The following NDST3 variants were observed in gnomAD, a reference collection of about 807,000 sequenced individuals.
NDST3 encodes the protein bifunctional heparan sulfate N-deacetylase/N-sulfotransferase 3.
NDST3 carries 58 observed loss-of-function variants against 96.1 expected under a neutral mutation model. That is an observed-to-expected ratio of 0.60 (90% CI 0.49 to 0.75). The LOEUF (loss-of-function observed/expected upper bound fraction) is 0.75, where lower values mean the gene tolerates loss of function less well. Among genes scored for constraint, NDST3 ranks in the 30% least tolerant of loss-of-function variants. The pLI, the probability that NDST3 is intolerant of heterozygous loss-of-function variation, is 0.00. For synonymous variants in NDST3, 333 were observed against 359.7 expected (o/e 0.93, Z 0.84); for missense variants, 788 against 1,034.2 (o/e 0.76, Z 3.27).
chr4:118,191,154 A>G (rs1341488872), intron 6 of NDST3, among the ~76,000 whole-genome samples: 1 of 152,192 alleles, frequency 6.6e-6, no homozygotes, highest in Non-Finnish European at 1.5e-5. Context: ...TCTATTTCAA[A>G]AGCACAGAGC....
intron 6 of NDST3, among the ~76,000 whole-genome samples, chr4:118,207,408 G>A (rs1027296660): frequency 2.8e-5 from 4 of 144,790 alleles, no homozygotes; most frequent in Non-Finnish European, 4.6e-5. Context: ...AAGCAGATGA[G>A]TGTAGATTTG....
intron 4 of NDST3, among the ~76,000 whole-genome samples, chr4:118,132,482 C>T (rs1732715816): frequency 6.6e-6 from 1 of 152,146 alleles, no homozygotes; most frequent in Admixed American, 6.5e-5. Context: ...CTCTGACCCA[C>T]AGAAGGTCCG....
chr4:118,056,939 A>C (rs1725481856), intron 2 of NDST3, among the ~76,000 whole-genome samples: 1 of 151,950 alleles, frequency 6.6e-6, no homozygotes, highest in South Asian at 2.1e-4. Context: ...TGTACCTGTA[A>C]CTTAAGTATG....
intron 6 of NDST3, among the ~76,000 whole-genome samples, chr4:118,148,697 AT>A (rs1439623929): frequency 1.3e-5 from 2 of 152,352 alleles, no homozygotes; most frequent in African/African-American, 4.8e-5. Context: ...TTGAAAAAAA[AT>A]ACTGTAATTT....
chr4:118,122,007 T>A (rs1242360002), intron 4 of NDST3, among the ~76,000 whole-genome samples: 1 of 152,228 alleles, frequency 6.6e-6, no homozygotes, highest in East Asian at 1.9e-4. Flanking sequence ...TAGAAAGAAT[T>A]CCTCAATTCC....
At chr4:118,115,060 C>T in intron 4 of NDST3, 100 bp downstream of exon 4, 1 of 1,271,258 alleles carries the variant, frequency 7.9e-7, no homozygotes, top group East Asian at 2.4e-5. Context: ...GTGGCTTTTC[C>T]ATATGATCAT....
chr4:118,226,849 GA>G (rs768595196), intron 7 of NDST3, 36 bp from the exon 8 acceptor site: 124 of 1,463,428 alleles, frequency 8.5e-5, no homozygotes, highest in Non-Finnish European at 1.0e-4. Flanking sequence ...ACACATTCAT[GA>G]AAAAAAATAC....
intron 2 of NDST3, among the ~76,000 whole-genome samples, chr4:118,084,662 C>T (rs1324593286): frequency 6.6e-6 from 1 of 152,184 alleles, no homozygotes; most frequent in Non-Finnish European, 1.5e-5. Context: ...ACAAAATCCT[C>T]ATTCAGGAAA....
intron 6 of NDST3, among the ~76,000 whole-genome samples, chr4:118,201,451 T>C (rs1738080720): frequency 6.6e-6 from 1 of 152,182 alleles, no homozygotes; most frequent in African/African-American, 2.4e-5. Context: ...GCATCTGTTG[T>C]TTTTTGGATT....
At chr4:118,166,367 T>C (rs963544251) in intron 6 of NDST3, among the ~76,000 whole-genome samples, 16 of 151,570 alleles carry the variant, frequency 1.1e-4, no homozygotes, top group African/African-American at 3.4e-4. Context: ...AAATAGAAAA[T>C]CTGAGCAGGC....
At chr4:118,162,764 CTAAA>C in intron 6 of NDST3, among the ~76,000 whole-genome samples, 1 of 147,722 alleles carries the variant, frequency 6.8e-6, no homozygotes, top group Admixed American at 6.8e-5. Context: ...TCTAATTAAA[CTAAA>C]GAGCTTCTGC....
chr4:118,167,001 G>C (rs1735595466), intron 6 of NDST3, among the ~76,000 whole-genome samples: 1 of 151,182 alleles, frequency 6.6e-6, no homozygotes, highest in East Asian at 1.9e-4. Flanking sequence ...CTCCCACTGT[G>C]ATCATTTCTA....
intron 6 of NDST3, among the ~76,000 whole-genome samples, chr4:118,179,789 C>A (rs1441280414): frequency 6.6e-6 from 1 of 151,988 alleles, no homozygotes; most frequent in Non-Finnish European, 1.5e-5. Flanking sequence ...TTCTCAGATA[C>A]TAAAAAGTTC....
At chr4:118,115,370 A>T (rs1731005448) in intron 4 of NDST3, among the ~76,000 whole-genome samples, 1 of 152,236 alleles carries the variant, frequency 6.6e-6, no homozygotes, top group Non-Finnish European at 1.5e-5. Flanking sequence ...AGAAATAAGT[A>T]TCACTGGGAG....
chr4:118,138,240 G>A lies in NDST3; in HGVS notation c.1410+1G>A. The A allele has an allele frequency of 6.2e-7, 1 of 1,612,904 alleles. No homozygotes were observed. The highest frequency in any genetic ancestry group is 8.5e-7 in the Non-Finnish European group (1 of 1,179,348). On this transcript the variant is annotated splice_donor_variant, in intron 5 of 13. Transcript: ENST00000296499. LOFTEE classifies it high-confidence loss of function. ...GGGTTTTATCCACAAAAACATCATG[G>A]TGAGCTTCCTCCAGTATGCATAGGG...
rs1157828447 is a variant in NDST3, at chr4:118,066,860, T to C, written c.981+11969T>C. Among the ~76,000 whole-genome samples, 26 of 15,548 alleles carry C rather than the reference T, an allele frequency of 1.7e-3. 9 individuals are homozygous for C. Among genetic ancestry groups the C allele is most frequent in the Non-Finnish European group, 2.9e-3 (25 of 8,592 alleles). 10.2% of individuals were successfully genotyped at this position (15,548 alleles called of 152,430 possible). A position where few individuals can be genotyped will look rare whatever the true frequency, so the allele number is the denominator to read the frequency against. On this transcript the variant is annotated intron_variant, in intron 2 of 13. Coordinates refer to ENST00000296499, the MANE Select transcript of NDST3 (RefSeq NM_004784.3). ...TATATAACATGTTATATATTATATA[T>C]ACATTATATATAACATGTTATATAT...
chr4:118,056,639 G>A (rs1725455484), intron 2 of NDST3, among the ~76,000 whole-genome samples: 1 of 151,938 alleles, frequency 6.6e-6, no homozygotes, highest in African/African-American at 2.4e-5. Flanking sequence ...TGTACTACAT[G>A]TGAAGCACTT....
At chr4:118,116,194 T>G (rs1002946782) in intron 4 of NDST3, among the ~76,000 whole-genome samples, 1 of 152,162 alleles carries the variant, frequency 6.6e-6, no homozygotes, top group Non-Finnish European at 1.5e-5. Context: ...ATCTAGACTG[T>G]TGATATTGAC....
intron 2 of NDST3, among the ~76,000 whole-genome samples, chr4:118,088,543 T>G (rs936420958): frequency 6.6e-6 from 1 of 152,056 alleles, no homozygotes; most frequent in East Asian, 1.9e-4. Flanking sequence ...GAAACAACAC[T>G]TCACTCCTAG....
Sources: allele counts gnomAD v4.1 joint callset (sites outside exome capture counted in the v4.1 genomes callset), GRCh38; gene constraint gnomAD v4.1.1; transcripts MANE v1.5; gene names NCBI Gene and HGNC (gene_info 2026-07-23, HGNC 2026-07-21).